Variants in SCAF8 observed in about 807,000 individuals in gnomAD.
The protein encoded by SCAF8 is SR-related CTD associated factor 8, also known as SR-related and CTD-associated factor 8.
Under a neutral mutation model 140.5 loss-of-function variants are expected in SCAF8, and 23 were observed. The ratio of observed to expected loss-of-function variants is 0.16; its 90% confidence interval spans 0.12 to 0.23. SCAF8 has a LOEUF of 0.23. SCAF8 is among the 10% of genes least tolerant of loss of function. The probability of loss-of-function intolerance (pLI) is 1.00; values close to 1 mark genes in which losing one functional copy is unlikely to be tolerated. For synonymous variants in SCAF8, 575 were observed against 528.9 expected, an observed-to-expected ratio of 1.09 and a Z score of -1.20; for missense variants, 1,397 against 1,555.7, an observed-to-expected ratio of 0.90 and a Z score of 1.72.
chr6:154,794,538 T>C (rs555774249), intron 5 of SCAF8, among the ~76,000 whole-genome samples: 29 of 152,176 alleles, frequency 1.9e-4, no homozygotes, highest in African/African-American at 5.5e-4. Context: ...AGTTTATTAT[T>C]AGTTAGTGTT....
intron 1 of SCAF8, among the ~76,000 whole-genome samples, chr6:154,771,473 G>A (rs796668706): frequency 1.2e-4 from 19 of 152,318 alleles, no homozygotes; most frequent in African/African-American, 4.6e-4. Flanking sequence ...GTAGACAGGA[G>A]TTAGAATGGA....
chr6:154,823,387 C>T (rs1042358402), intron 16 of SCAF8, among the ~76,000 whole-genome samples: 2 of 152,166 alleles, frequency 1.3e-5, no homozygotes, highest in Non-Finnish European at 2.9e-5. Context: ...ACAGTTGTAG[C>T]AATCCAGATG....
At chr6:154,754,076 T>TA (rs1778907249) in intron 1 of SCAF8, among the ~76,000 whole-genome samples, 1 of 152,206 alleles carries the variant, frequency 6.6e-6, no homozygotes, top group Non-Finnish European at 1.5e-5. Flanking sequence ...AAGGTGGAGT[T>TA]AGTCTATTTT....
At chr6:154,794,781 GTGTGTGTGTGTGTGT>G (rs1777546369) in intron 5 of SCAF8, among the ~76,000 whole-genome samples, 2 of 7,544 alleles carry the variant, frequency 2.7e-4, no homozygotes, top group African/African-American at 6.1e-4. Flanking sequence ...GGTGTGGGGG[GTGTGTGTGTGTGTGT>G]GTGTGTGTGT....
rs1267915790 is a variant in SCAF8 at position 154,819,846 on chromosome 6, G to A, written c.1636-331G>A. 2.0e-5 allele frequency among the ~76,000 whole-genome samples: 3 copies of A among 152,026 alleles called. No individual in the cohort carries two copies. In the East Asian group the frequency reaches 5.8e-4, roughly 30 times the overall value. On this transcript the variant is annotated intron_variant, in intron 14 of 19. Coordinates refer to ENST00000367178, the MANE Select transcript of SCAF8 (RefSeq NM_014892.5). ...CTACTAAAAAATACAAAAATTAGTTGGGCATGGTGTTGCCTGCCTGCAGTC... is the reference window on the plus strand; with the variant it reads ...CTACTAAAAAATACAAAAATTAGTTAGGCATGGTGTTGCCTGCCTGCAGTC...
At chr6:154,805,600 C>A in intron 9 of SCAF8, 114 bp downstream of exon 9, 1 of 459,642 alleles carries the variant, frequency 2.2e-6, no homozygotes, top group Admixed American at 3.9e-5. Context: ...AATATTTTCT[C>A]AACTATTTAG....
In SCAF8 at chr6:154,777,178, C is replaced by T. The variant is rs1583025062; in HGVS notation, c.115-823C>T. Among the ~76,000 whole-genome samples the T allele has an allele frequency of 2.0e-5, 3 of 150,468 alleles. No homozygotes were observed. The South Asian group carries it at 6.3e-4, about 32-fold the overall frequency. ...CCTGGGTGACAGAGTGAGAGTGTGTCTCCAAGGGGAAAAAAAAAAAAAGTA... is the reference window on the plus strand; with the variant it reads ...CCTGGGTGACAGAGTGAGAGTGTGTTTCCAAGGGGAAAAAAAAAAAAAGTA... On this transcript the variant is annotated intron_variant, in intron 2 of 19. Transcript: ENST00000367178.
At chr6:154,788,066 C>T in intron 4 of SCAF8, 44 bp downstream of exon 4, 5 of 1,498,548 alleles carry the variant, frequency 3.3e-6, no homozygotes, top group Non-Finnish European at 4.5e-6. Flanking sequence ...AAAGTAGATA[C>T]AGTAGCCTCT....
At chr6:154,735,519 C>CT (rs11406318) in intron 1 of SCAF8, among the ~76,000 whole-genome samples, 56,493 of 135,408 alleles carry the variant, frequency 0.42, 12,403 homozygotes, top group East Asian at 0.66. Flanking sequence ...TGGGAATCTT[C>CT]TTTTTTTTTT....
intron 1 of SCAF8, among the ~76,000 whole-genome samples, chr6:154,743,088 G>C (rs1230981664): frequency 6.6e-6 from 1 of 152,126 alleles, no homozygotes; most frequent in Non-Finnish European, 1.5e-5. Context: ...TGCAGAGCTG[G>C]GGAGGCTGTG....
intron 12 of SCAF8, among the ~76,000 whole-genome samples, chr6:154,815,292 G>A (rs938681570): frequency 2.0e-5 from 3 of 152,088 alleles, no homozygotes; most frequent in African/African-American, 4.8e-5. Flanking sequence ...GTGAGACTCC[G>A]TCTCAAAAAA....
At chr6:154,788,074 T>C in intron 4 of SCAF8, 52 bp downstream of exon 4, 1 of 1,461,308 alleles carries the variant, frequency 6.8e-7, no homozygotes, top group Non-Finnish European at 9.3e-7. Flanking sequence ...TACAGTAGCC[T>C]CTTGGTCTTA....
intron 4 of SCAF8, among the ~76,000 whole-genome samples, chr6:154,790,472 C>G (rs990203967): frequency 3.1e-4 from 38 of 123,368 alleles, no homozygotes; most frequent in Middle Eastern, 4.6e-3. Flanking sequence ...CTTTGTAAAA[C>G]ATATACATTT....
intron 1 of SCAF8, among the ~76,000 whole-genome samples, chr6:154,765,375 A>G (rs1201389978): frequency 6.6e-6 from 1 of 152,250 alleles, no homozygotes; most frequent in Non-Finnish European, 1.5e-5. Flanking sequence ...TTCTGAAGTC[A>G]TGTGCTGGGT....
At chr6:154,822,198 G>T (rs1404363888) in intron 15 of SCAF8, 78 bp from the exon 16 acceptor site, 3 of 1,444,220 alleles carry the variant, frequency 2.1e-6, no homozygotes, top group Non-Finnish European at 2.8e-6. Flanking sequence ...GGATTTAGAT[G>T]TGAAATAAAT....
chr6:154,820,541 A>G (rs527399691), intron 15 of SCAF8, among the ~76,000 whole-genome samples: 2 of 152,224 alleles, frequency 1.3e-5, no homozygotes, highest in Non-Finnish European at 2.9e-5. Context: ...ATAGAAGTCT[A>G]TATAAATGTA....
rs540301080 is a variant in SCAF8 at position 154,753,871 on chromosome 6, T to C, written c.30+19941T>C. Among the ~76,000 whole-genome samples the C allele has an allele frequency of 9.2e-5, 14 of 152,298 alleles. No homozygotes were observed. In the South Asian group the frequency reaches 2.9e-3, roughly 32 times the overall value. ...CTATTAATTTAAGTTGAACTCTTAC[T>C]CTGTCACACAGGCTGGAGTGCAGTG... On this transcript the variant is annotated intron_variant, in intron 1 of 19. Coordinates refer to ENST00000367178, the MANE Select transcript of SCAF8 (RefSeq NM_014892.5).
chr6:154,774,780 A>G (rs765544223), intron 2 of SCAF8, among the ~76,000 whole-genome samples: 1 of 152,172 alleles, frequency 6.6e-6, no homozygotes, highest in Non-Finnish European at 1.5e-5. Flanking sequence ...AGTTCTGAAA[A>G]TCTCAGGAAA....
At chr6:154,831,385 A>C (rs146453081) in intron 19 of SCAF8, among the ~76,000 whole-genome samples, 2 of 151,848 alleles carry the variant, frequency 1.3e-5, no homozygotes, top group Non-Finnish European at 2.9e-5. Context: ...TTTTTGTCCT[A>C]TTGGGACTAC....
Sources: gnomAD v4.1 joint callset for allele counts (sites outside exome capture counted in the v4.1 genomes callset) on GRCh38, gnomAD v4.1.1 for gene constraint, MANE v1.5 for transcripts, NCBI Gene and HGNC (gene_info 2026-07-23, HGNC 2026-07-21) for gene names.